PCDH15: variants seen among roughly 807,000 people sequenced by gnomAD.
PCDH15 encodes the protein protocadherin-15.
Under a neutral mutation model 178.5 loss-of-function variants are expected in PCDH15, and 129 were observed. That is an observed-to-expected ratio of 0.72 (90% CI 0.63 to 0.84). The LOEUF (loss-of-function observed/expected upper bound fraction) is 0.84, where lower values mean the gene tolerates loss of function less well. PCDH15 is among the 40% of genes least tolerant of loss of function. The pLI, the probability that PCDH15 is intolerant of heterozygous loss-of-function variation, is 0.00. For synonymous variants in PCDH15, 800 were observed against 732.0 expected, an observed-to-expected ratio of 1.09 and a Z score of -1.50; for missense variants, 2,230 against 2,099.9, an observed-to-expected ratio of 1.06 and a Z score of -1.21.
intron 3 of PCDH15, among the ~76,000 whole-genome samples, chr10:54,877,206 A>G (rs1280962794): frequency 6.6e-6 from 1 of 152,220 alleles, no homozygotes; most frequent in African/African-American, 2.4e-5. Flanking sequence ...GACACAGTTA[A>G]TAGACTAAAT....
intron 2 of PCDH15, among the ~76,000 whole-genome samples, chr10:55,134,193 C>A (rs568391257): frequency 6.6e-6 from 1 of 152,064 alleles, no homozygotes; most frequent in Non-Finnish European, 1.5e-5. Flanking sequence ...ATAGGGGGAG[C>A]CTTGCTATTC....
At chr10:55,448,989 T>G (rs1839375989) in intron 2 of PCDH15, among the ~76,000 whole-genome samples, 1 of 152,054 alleles carries the variant, frequency 6.6e-6, no homozygotes, top group African/African-American at 2.4e-5. Context: ...AAGCTAAATC[T>G]CATACTTTAT....
intron 2 of PCDH15, among the ~76,000 whole-genome samples, chr10:54,918,820 G>A (rs1837411115): frequency 1.3e-5 from 2 of 152,116 alleles, no homozygotes; most frequent in Admixed American, 6.6e-5. Flanking sequence ...ATGGGTTTAT[G>A]TCCATATAAA....
chr10:55,302,066 C>G (rs1843298651), intron 1 of PCDH15, among the ~76,000 whole-genome samples: 1 of 152,046 alleles, frequency 6.6e-6, no homozygotes, highest in African/African-American at 2.4e-5. Context: ...GTGTTAGTTC[C>G]ATTGCCTTTC....
chr10:54,583,136 T>G (rs2091184443), intron 2 of PCDH15, among the ~76,000 whole-genome samples: 1 of 152,112 alleles, frequency 6.6e-6, no homozygotes, highest in Admixed American at 6.6e-5. Flanking sequence ...CAGACTATAA[T>G]GTATGCACCC....
chr10:55,197,679 TC>T (rs1306450200), intron 1 of PCDH15, among the ~76,000 whole-genome samples: 3 of 152,152 alleles, frequency 2.0e-5, no homozygotes, highest in Admixed American at 6.5e-5. Flanking sequence ...ATCATCCACT[TC>T]TACACATCCT....
chr10:55,089,913 C>T (rs933040725), intron 2 of PCDH15, among the ~76,000 whole-genome samples: 2 of 151,996 alleles, frequency 1.3e-5, no homozygotes, highest in African/African-American at 4.8e-5. Flanking sequence ...TTTCACAATA[C>T]ACCCCTTACA....
intron 2 of PCDH15, among the ~76,000 whole-genome samples, chr10:55,328,141 ATAAT>A (rs1426684456): frequency 6.6e-6 from 1 of 151,936 alleles, no homozygotes; most frequent in East Asian, 1.9e-4. Context: ...CATATTTATA[ATAAT>A]TACAGTGTTG....
intron 3 of PCDH15, among the ~76,000 whole-genome samples, chr10:54,425,609 T>C (rs1480817015): frequency 1.3e-5 from 2 of 152,094 alleles, no homozygotes; most frequent in African/African-American, 4.8e-5. Context: ...TCAGCATGTA[T>C]TTTTTTATAG....
At chr10:55,307,374 G>A (rs1243211767) in intron 1 of PCDH15, among the ~76,000 whole-genome samples, 3 of 151,672 alleles carry the variant, frequency 2.0e-5, no homozygotes, top group African/African-American at 4.8e-5. Flanking sequence ...ATGGTGGCAG[G>A]CGCCTGTAAT....
intron 3 of PCDH15, among the ~76,000 whole-genome samples, chr10:54,392,468 C>CA (rs71007849): frequency 0.74 from 48,794 of 65,846 alleles, 20,492 homozygotes; most frequent in East Asian, 0.88. Context: ...GAGGCTGTCT[C>CA]AAAAAAAAAA....
chr10:54,056,330 A>G (rs147405966), intron 18 of PCDH15, among the ~76,000 whole-genome samples: 1 of 152,128 alleles, frequency 6.6e-6, no homozygotes, highest in Non-Finnish European at 1.5e-5. Context: ...TAATGTTGCT[A>G]AAAAAGGCAT....
chr10:54,100,993 A>T (rs1285460478), intron 15 of PCDH15, among the ~76,000 whole-genome samples: 1 of 152,168 alleles, frequency 6.6e-6, no homozygotes, highest in Non-Finnish European at 1.5e-5. Flanking sequence ...ATAGGTAGAT[A>T]TTGGTTGATA....
chr10:54,105,062 T>C (rs2094886623), intron 15 of PCDH15, among the ~76,000 whole-genome samples: 2 of 151,108 alleles, frequency 1.3e-5, no homozygotes, highest in Non-Finnish European at 2.9e-5. Context: ...ACTATCATTG[T>C]TCACCATACT....
At chr10:53,938,680 G>T in intron 25 of PCDH15, 135 bp downstream of exon 25, 1 of 925,398 alleles carries the variant, frequency 1.1e-6, no homozygotes, top group Non-Finnish European at 1.7e-6. Context: ...TAAACGAATA[G>T]GCAATCATCT....
chr10:54,054,973 A>C (rs192823836), intron 18 of PCDH15, among the ~76,000 whole-genome samples: 4 of 152,328 alleles, frequency 2.6e-5, no homozygotes, highest in Admixed American at 2.0e-4. Context: ...AAAAAATAAG[A>C]AATCACCATA....
intron 3 of PCDH15, among the ~76,000 whole-genome samples, chr10:54,468,250 G>A (rs770915031): frequency 6.6e-6 from 1 of 151,696 alleles, no homozygotes; most frequent in African/African-American, 2.4e-5. Context: ...TGTATCATTA[G>A]ATTGTTTATT....
intron 2 of PCDH15, among the ~76,000 whole-genome samples, chr10:55,001,947 A>C (rs1397184919): frequency 6.6e-6 from 1 of 152,218 alleles, no homozygotes; most frequent in Non-Finnish European, 1.5e-5. Flanking sequence ...AGTAATAAAA[A>C]ATGTGAGACT....
chr10:55,386,807 T>C lies in PCDH15; in HGVS notation c.-155-220156A>G, dbSNP rs146894341. On this transcript the variant is annotated intron_variant, in intron 2 of 5. Transcript: ENST00000613346. ...AAAGTAATATTTGACAATGCAAACA[T>C]TGAAGTGGTATGTAATGCGTGGCAA... Among the ~76,000 whole-genome samples, 999 of 152,194 alleles carry C rather than the reference T, an allele frequency of 6.6e-3. 9 individuals are homozygous for C. Among genetic ancestry groups the C allele is most frequent in the African/African-American group, 0.023 (962 of 41,550 alleles).
Sources: allele counts gnomAD v4.1 joint callset (sites outside exome capture counted in the v4.1 genomes callset), GRCh38; gene constraint gnomAD v4.1.1; transcripts MANE v1.5; gene names NCBI Gene and HGNC (gene_info 2026-07-23, HGNC 2026-07-21).